The following PPP1CB variants were observed in gnomAD, a reference collection of about 807,000 sequenced individuals.
PPP1CB encodes protein phosphatase 1 catalytic subunit beta, also known as serine/threonine-protein phosphatase PP1-beta catalytic subunit.
PPP1CB carries 2 observed loss-of-function variants against 43.7 expected under a neutral mutation model. The ratio of observed to expected loss-of-function variants is 0.05; its 90% CI spans 0.02 to 0.14. PPP1CB has a LOEUF of 0.14. Ranked by LOEUF, PPP1CB falls within the 10% of genes least tolerant of loss-of-function variation. The pLI, the probability that PPP1CB is intolerant of heterozygous loss-of-function variation, is 1.00. For synonymous variants in PPP1CB, 136 were observed against 135.6 expected, an observed-to-expected ratio of 1.00 and a Z score of -0.02; for missense variants, 84 against 398.0, an observed-to-expected ratio of 0.21 and a Z score of 6.71.
At chr2:28,775,216 A>G (rs1233310003) in intron 1 of PPP1CB, among the ~76,000 whole-genome samples, 1 of 152,054 alleles carries the variant, frequency 6.6e-6, no homozygotes. Flanking sequence ...TGAACGTTCC[A>G]CCTCAACCTC....
chr2:28,763,996 C>T (rs537221250), intron 1 of PPP1CB, among the ~76,000 whole-genome samples: 2 of 152,092 alleles, frequency 1.3e-5, no homozygotes, highest in East Asian at 1.9e-4. Context: ...CCACCATGCC[C>T]GGCCCACATT....
intron 6 of PPP1CB, among the ~76,000 whole-genome samples, chr2:28,790,576 G>T (rs1667365595): frequency 6.6e-6 from 1 of 152,126 alleles, no homozygotes; most frequent in Non-Finnish European, 1.5e-5. Flanking sequence ...CTGACCCCAG[G>T]TGATCTGCCC....
intron 3 of PPP1CB, among the ~76,000 whole-genome samples, chr2:28,780,456 T>G (rs1482683540): frequency 2.6e-5 from 4 of 152,208 alleles, no homozygotes; most frequent in Non-Finnish European, 5.9e-5. Context: ...ATTTCTGAGA[T>G]GTAGTGTGTG....
At chr2:28,763,841 G>T (rs530091352) in intron 1 of PPP1CB, among the ~76,000 whole-genome samples, 2 of 152,150 alleles carry the variant, frequency 1.3e-5, no homozygotes, top group South Asian at 4.2e-4. Flanking sequence ...AGTAATCTGG[G>T]ATTACAGGTG....
At chr2:28,786,565 A>G (rs960094081) in intron 5 of PPP1CB, among the ~76,000 whole-genome samples, 2 of 152,044 alleles carry the variant, frequency 1.3e-5, no homozygotes, top group African/African-American at 4.8e-5. Context: ...CACTGAAATT[A>G]TAGATTCTTG....
At chr2:28,780,170 C>T (rs1667128940) in intron 3 of PPP1CB, among the ~76,000 whole-genome samples, 1 of 145,842 alleles carries the variant, frequency 6.9e-6, no homozygotes, top group South Asian at 2.2e-4. Flanking sequence ...CTCACTGCAA[C>T]CTCCGCCTCC....
intron 5 of PPP1CB, among the ~76,000 whole-genome samples, chr2:28,786,563 T>G (rs574095664): frequency 1.3e-5 from 2 of 152,014 alleles, no homozygotes; most frequent in African/African-American, 4.8e-5. Context: ...CTCACTGAAA[T>G]TATAGATTCT....
rs769650329 is a variant in PPP1CB, at chr2:28,785,065, C to CTTTTT, written c.592+1111_592+1115dup. 4.8e-3 allele frequency among the ~76,000 whole-genome samples: 262 copies of CTTTTT among 54,992 alleles called. 50 individuals are homozygous for CTTTTT. Among genetic ancestry groups the CTTTTT allele is most frequent in the Non-Finnish European group, 6.7e-3 (191 of 28,688 alleles). 36.1% of individuals were successfully genotyped at this position (54,992 alleles called of 152,430 possible). Reference sequence around the variant, plus strand: ...ATGTTGTAATAAATTGTGTTAGGAGCTTTTTTTTTTTTTTTTTTTTTTTTT... The same window carrying CTTTTT: ...ATGTTGTAATAAATTGTGTTAGGAGCTTTTTTTTTTTTTTTTTTTTTTTTTTTTTT... On this transcript the variant is annotated intron_variant, in intron 5 of 7. Coordinates refer to ENST00000395366, the MANE Select transcript of PPP1CB (RefSeq NM_002709.3).
At chr2:28,760,918 C>T (rs577913835) in intron 1 of PPP1CB, among the ~76,000 whole-genome samples, 66 of 152,022 alleles carry the variant, frequency 4.3e-4, no homozygotes, top group African/African-American at 1.4e-3. Flanking sequence ...TTCTTTTTTC[C>T]GAGATGGAGT....
intron 6 of PPP1CB, among the ~76,000 whole-genome samples, chr2:28,792,046 A>T (rs1396199900): frequency 6.6e-6 from 1 of 152,132 alleles, no homozygotes; most frequent in African/African-American, 2.4e-5. Context: ...TCTACAAAAA[A>T]ATACAAAAAA....
intron 1 of PPP1CB, among the ~76,000 whole-genome samples, chr2:28,775,637 A>G (rs745987929): frequency 4.6e-5 from 7 of 152,126 alleles, no homozygotes; most frequent in Non-Finnish European, 8.8e-5. Flanking sequence ...TTGACCCCCT[A>G]AAGTGCTGGG....
chr2:28,756,507 T>C (rs921519944), intron 1 of PPP1CB, among the ~76,000 whole-genome samples: 1 of 152,246 alleles, frequency 6.6e-6, no homozygotes. Context: ...ACTACACTTT[T>C]AACTTTTCCT....
chr2:28,771,663 A>T (rs1666916450), intron 1 of PPP1CB, among the ~76,000 whole-genome samples: 1 of 152,206 alleles, frequency 6.6e-6, no homozygotes, highest in South Asian at 2.1e-4. Context: ...AATGGTGCTG[A>T]ATCAACTGGG....
intron 6 of PPP1CB, among the ~76,000 whole-genome samples, chr2:28,790,997 A>G (rs1235241218): frequency 6.6e-6 from 1 of 152,212 alleles, no homozygotes; most frequent in Admixed American, 6.5e-5. Flanking sequence ...AGGGATTACA[A>G]CTTGTTTTTG....
chr2:28,762,001 C>T (rs190784317), intron 1 of PPP1CB, among the ~76,000 whole-genome samples: 5 of 152,210 alleles, frequency 3.3e-5, no homozygotes, highest in African/African-American at 4.8e-5. Context: ...TTTCTGTTCT[C>T]GGCCGGGCAT....
chr2:28,788,578 A>G, intron 5 of PPP1CB, 80 bp from the exon 6 acceptor site: 2 of 1,443,112 alleles, frequency 1.4e-6, no homozygotes, highest in Non-Finnish European at 1.9e-6. Context: ...CAAGAAAGGA[A>G]CTGAAATTTG....
Position 28,802,224 on chromosome 2 carries a change from A to C in PPP1CB, c.*2921A>C, listed in dbSNP as rs1432280702. On this transcript the variant is annotated 3_prime_UTR_variant, in exon 8 of 8. Coordinates refer to ENST00000395366, the MANE Select transcript of PPP1CB (RefSeq NM_002709.3). Reference sequence around the variant, plus strand: ...AAGAATATAAAGATGTATTATTTTAAGCCAAGGAGCTGAAATATATCTCAG... The same window carrying C: ...AAGAATATAAAGATGTATTATTTTACGCCAAGGAGCTGAAATATATCTCAG... 5 of 152,248 alleles carry C rather than the reference A, an allele frequency of 3.3e-5. No individual in the cohort carries two copies. The highest frequency in any genetic ancestry group is 7.3e-5 in the Non-Finnish European group (5 of 68,050). The allele number at this position is 152,248 out of a possible 1,614,324, so 9.4% of individuals were successfully genotyped here.
rs1666303944 is a variant in PPP1CB at position 28,752,059 on chromosome 2, G to A, written c.-66G>A. On this transcript the variant is annotated 5_prime_UTR_variant, in exon 1 of 8. Transcript: ENST00000395366. ...GTAGGTGAGAGAACGCCGAGCCGTC[G>A]CCGCAGCCTCCGCCGCCGAGAAGCC... The A allele has an allele frequency of 6.7e-7, 1 of 1,485,534 alleles. No homozygotes were observed. The highest frequency in any genetic ancestry group is 1.4e-5 in the African/African-American group (1 of 71,476). The allele number at this position is 1,485,534 out of a possible 1,614,324, so 92.0% of individuals were successfully genotyped here. A position where few individuals can be genotyped will look rare whatever the true frequency, so the allele number is the denominator to read the frequency against.
At chr2:28,768,000 T>C (rs929199892) in intron 1 of PPP1CB, among the ~76,000 whole-genome samples, 4 of 152,160 alleles carry the variant, frequency 2.6e-5, no homozygotes, top group African/African-American at 9.7e-5. Flanking sequence ...TCAGGTGAAA[T>C]AAATTGGGAT....
Sources: allele counts gnomAD v4.1 joint callset (sites outside exome capture counted in the v4.1 genomes callset), GRCh38; gene constraint gnomAD v4.1.1; transcripts MANE v1.5; gene names NCBI Gene and HGNC (gene_info 2026-07-23, HGNC 2026-07-21).